Variants in GGTA1 observed in about 807,000 individuals in gnomAD.
GGTA1 encodes glycoprotein alpha-galactosyltransferase 1 (inactive).
In GGTA1, 5 loss-of-function variants were observed where a neutral mutation model predicts 2.6. That is an observed-to-expected ratio of 1.92 (90% CI 1.00 to 4.04). The LOEUF is 4.04. Among genes scored for constraint, GGTA1 ranks in the 30% most tolerant of loss-of-function variants. GGTA1 has a pLI of 0.00. For synonymous variants in GGTA1, 17 were observed against 5.0 expected, an observed-to-expected ratio of 3.38 and a Z score of -3.19; for missense variants, 50 against 16.7, an observed-to-expected ratio of 2.99 and a Z score of -3.47.
intron 1 of GGTA1, among the ~76,000 whole-genome samples, chr9:121,489,195 T>C: frequency 6.6e-6 from 1 of 152,304 alleles, no homozygotes; most frequent in Middle Eastern, 3.4e-3. Context: ...AATTACTTTA[T>C]TATATTTTAT....
At chr9:121,492,951 C>T (rs1828901233) in intron 1 of GGTA1, among the ~76,000 whole-genome samples, 1 of 151,756 alleles carries the variant, frequency 6.6e-6, no homozygotes, top group Non-Finnish European at 1.5e-5. Flanking sequence ...TGAGACCAGC[C>T]TGGCCAACAT....
intron 1 of GGTA1, among the ~76,000 whole-genome samples, chr9:121,495,478 C>T (rs544257988): frequency 5.3e-5 from 8 of 152,184 alleles, no homozygotes; most frequent in East Asian, 3.9e-4. Context: ...ACCCGGGAGG[C>T]GGAGGTTGCA....
intron 3 of GGTA1, chr9:121,463,091 G>A (rs1003150333): frequency 1.1e-4 from 35 of 311,200 alleles, no homozygotes; most frequent in African/African-American, 6.8e-4. Context: ...AGAACTGAGG[G>A]CAAGATACAA....
intron 3 of GGTA1, 110 bp downstream of exon 3, chr9:121,463,183 C>A (rs1375656446): frequency 1.6e-5 from 7 of 427,592 alleles, no homozygotes; most frequent in African/African-American, 1.0e-4. Flanking sequence ...CCCACCCCTC[C>A]GACTTTGGCC....
At chr9:121,471,550 T>C (rs1369134572) in intron 1 of GGTA1, among the ~76,000 whole-genome samples, 1 of 152,202 alleles carries the variant, frequency 6.6e-6, no homozygotes, top group Non-Finnish European at 1.5e-5. Context: ...CCCTTTATTA[T>C]GAAATCCAGT....
At chr9:121,499,261 C>T (rs1486451812) in intron 1 of GGTA1, among the ~76,000 whole-genome samples, 1 of 152,146 alleles carries the variant, frequency 6.6e-6, no homozygotes, top group African/African-American at 2.4e-5. Flanking sequence ...ATTCCTCTGT[C>T]CTGCCCCACA....
chr9:121,488,425 G>A lies in GGTA1; in HGVS notation c.-10+11225C>T, dbSNP rs555672517. 2.0e-3 allele frequency among the ~76,000 whole-genome samples: 305 copies of A among 152,198 alleles called. 2 individuals carry two copies. The highest frequency in any genetic ancestry group is 7.2e-3 in the African/African-American group (297 of 41,532). On this transcript the variant is annotated intron_variant, in intron 1 of 5. Coordinates refer to ENST00000481799, the MANE Select transcript of GGTA1 (RefSeq NM_001382585.1). ...CGCAAGGGTTATAAGACAAATAAAG[G>A]ATATTGGGCCTGGGCATGGTGGCTC...
exon 8 of GGTA1, chr9:121,445,079 T>C (rs2064846794): frequency 6.6e-6 from 1 of 152,178 alleles, no homozygotes; most frequent in Non-Finnish European, 1.5e-5. Flanking sequence ...ATTTGTCCAT[T>C]GGGGATTTAA....
chr9:121,467,810 C>T (rs1376136726), intron 2 of GGTA1, 33 bp downstream of exon 2: 2 of 452,438 alleles, frequency 4.4e-6, no homozygotes, highest in Non-Finnish European at 8.9e-6. Context: ...GCAGTATTTT[C>T]ATCCACATCA....
chr9:121,493,748 CTTTTTTTTTTTTTT>C (rs35465171), intron 1 of GGTA1, among the ~76,000 whole-genome samples: 2 of 36,624 alleles, frequency 5.5e-5, no homozygotes, highest in East Asian at 7.4e-4. Context: ...GACTCACTCT[CTTTTTTTTTTTTTT>C]TTTTTTTTTT....
chr9:121,455,673 G>T lies in GGTA1; in HGVS notation c.*164C>A. 1 of 309,748 alleles carries T rather than the reference G, an allele frequency of 3.2e-6. No homozygotes were observed. Among genetic ancestry groups the T allele is most frequent in the Non-Finnish European group, 6.5e-6 (1 of 153,882 alleles). The allele number at this position is 309,748 out of a possible 1,614,324, so 19.2% of individuals were successfully genotyped here. On this transcript the variant is annotated 3_prime_UTR_variant, in exon 6 of 6. Coordinates refer to ENST00000481799, the MANE Select transcript of GGTA1 (RefSeq NM_001382585.1). ...TCTATACCAGGTCATCCTGCTAAGCGCTGAGATGGGAGAAATGAGACCCAG... is the reference window on the plus strand; with the variant it reads ...TCTATACCAGGTCATCCTGCTAAGCTCTGAGATGGGAGAAATGAGACCCAG...
downstream of GGTA1, among the ~76,000 whole-genome samples, chr9:121,454,851 A>T (rs933171580): frequency 2.0e-5 from 3 of 151,908 alleles, no homozygotes; most frequent in Non-Finnish European, 4.4e-5. Context: ...TGTCTCTACT[A>T]AAAAAATACA....
At chr9:121,497,494 A>G (rs143549040) in intron 1 of GGTA1, among the ~76,000 whole-genome samples, 2,390 of 152,128 alleles carry the variant, frequency 0.016, 59 homozygotes, top group African/African-American at 0.055. Flanking sequence ...CTGAGTGCCC[A>G]TATGTTTCTT....
rs1002461967 is a variant in GGTA1 at position 121,474,438 on chromosome 9, A to G, written c.-9-6507T>C. Among the ~76,000 whole-genome samples the G allele has an allele frequency of 2.0e-5, 3 of 152,160 alleles. No individual in the cohort carries two copies. The East Asian group carries it at 5.8e-4, about 29-fold the overall frequency. ...ATTTTGCAAGGCAGGGTCACATTGT[A>G]CAGCCTGTCATTTCTCCACCTTCCT... On this transcript the variant is annotated intron_variant, in intron 1 of 5. Transcript: ENST00000481799.
intron 1 of GGTA1, among the ~76,000 whole-genome samples, chr9:121,496,433 T>TA (rs1396264388): frequency 5.3e-5 from 8 of 151,922 alleles, no homozygotes; most frequent in African/African-American, 1.9e-4. Context: ...AATTCAATCG[T>TA]AAAAAATAGA....
At chr9:121,493,116 G>T (rs1438327776) in intron 1 of GGTA1, among the ~76,000 whole-genome samples, 1 of 151,160 alleles carries the variant, frequency 6.6e-6, no homozygotes, top group African/African-American at 2.4e-5. Context: ...CCTGGGTGAC[G>T]GAACGAGACT....
intron 1 of GGTA1, among the ~76,000 whole-genome samples, chr9:121,473,115 T>C (rs1828427542): frequency 6.6e-6 from 1 of 151,710 alleles, no homozygotes; most frequent in Non-Finnish European, 1.5e-5. Flanking sequence ...AGGTCAGGAG[T>C]TCGAGACCAG....
At chr9:121,448,363 T>A (rs1161334973) in intron 7 of GGTA1, among the ~76,000 whole-genome samples, 1 of 152,140 alleles carries the variant, frequency 6.6e-6, no homozygotes, top group East Asian at 1.9e-4. Context: ...TTGTCCTCTG[T>A]GATACAGAGA....
intron 1 of GGTA1, among the ~76,000 whole-genome samples, chr9:121,493,605 G>T (rs1033582140): frequency 2.0e-5 from 3 of 152,002 alleles, no homozygotes; most frequent in Non-Finnish European, 2.9e-5. Context: ...TCCCTCGGGG[G>T]TCTTACTGTC....
Sources: allele counts gnomAD v4.1 joint callset (sites outside exome capture counted in the v4.1 genomes callset), GRCh38; gene constraint gnomAD v4.1.1; transcripts MANE v1.5; gene names NCBI Gene and HGNC (gene_info 2026-07-23, HGNC 2026-07-21).